The following FBXO25 variants were observed in gnomAD, a reference collection of about 807,000 sequenced individuals.
FBXO25 encodes F-box only protein 25.
Under a neutral mutation model 51.9 loss-of-function variants are expected in FBXO25, and 45 were observed. That is an observed-to-expected ratio of 0.87 (90% CI 0.68 to 1.11). The LOEUF is 1.11. Among genes scored for constraint, FBXO25 ranks in the 50% most tolerant of loss-of-function variants. The pLI is 0.00. For synonymous variants in FBXO25, 199 were observed against 151.0 expected (o/e 1.32, Z -2.33); for missense variants, 507 against 428.5 (o/e 1.18, Z -1.62).
intron 9 of FBXO25, among the ~76,000 whole-genome samples, chr8:468,502 C>T (rs1166322730): frequency 1.3e-5 from 2 of 152,112 alleles, no homozygotes; most frequent in Non-Finnish European, 2.9e-5. Flanking sequence ...CCGTCTCCTG[C>T]CCTACCTGAG....
intron 2 of FBXO25, among the ~76,000 whole-genome samples, chr8:425,561 T>C (rs1320998551): frequency 2.6e-5 from 4 of 151,812 alleles, no homozygotes; most frequent in African/African-American, 4.8e-5. Flanking sequence ...GGTTCACTTA[T>C]TCTTTTTCTG....
chr8:435,802 G>C lies in FBXO25; in HGVS notation c.381+95G>C, dbSNP rs145916524. 5.5e-5 allele frequency: 83 copies of C among 1,511,674 alleles called. No homozygotes were observed. In the African/African-American group the frequency reaches 1.0e-3, roughly 19 times the overall value. The allele number at this position is 1,511,674 out of a possible 1,614,324, so 93.6% of individuals were successfully genotyped here. On this transcript the variant is annotated intron_variant, in intron 5 of 9. Coordinates refer to ENST00000350302, the MANE Select transcript of FBXO25 (RefSeq NM_183420.2). ...TACAACGTTGAAGATGCTTTTGGCA[G>C]CTTGAAGGTGTGCCTGTTTGCTGCG...
intron 2 of FBXO25, among the ~76,000 whole-genome samples, chr8:424,186 T>G (rs1230360271): frequency 6.6e-6 from 1 of 151,682 alleles, no homozygotes; most frequent in East Asian, 1.9e-4. Context: ...TGGCGCAATT[T>G]CCGCTCACTC....
chr8:422,269 G>C (rs981249686), intron 2 of FBXO25, among the ~76,000 whole-genome samples: 36 of 152,242 alleles, frequency 2.4e-4, no homozygotes, highest in African/African-American at 8.2e-4. Flanking sequence ...GGTACCTGTG[G>C]TGTGGTGCTG....
intron 5 of FBXO25, among the ~76,000 whole-genome samples, chr8:436,648 G>C (rs1440342241): frequency 2.6e-5 from 4 of 152,044 alleles, no homozygotes; most frequent in African/African-American, 4.8e-5. Context: ...TGGCCAGCAG[G>C]GTGTCCTCGA....
chr8:421,979 G>A (rs930070108), intron 2 of FBXO25, among the ~76,000 whole-genome samples: 1 of 152,340 alleles, frequency 6.6e-6, no homozygotes, highest in African/African-American at 2.4e-5. Context: ...GAATGTATAA[G>A]TGAGGGATAA....
chr8:449,960 C>A, intron 5 of FBXO25, 30 bp from the exon 6 acceptor site: 1 of 1,434,930 alleles, frequency 7.0e-7, no homozygotes, highest in Admixed American at 1.8e-5. Flanking sequence ...ATATATATAT[C>A]GCTCAGCTTT....
In FBXO25 at chr8:435,682, T is replaced by C. The variant is rs754328792; in HGVS notation, c.356T>C (p.Ile119Thr). The C allele has an allele frequency of 5.0e-6, 8 of 1,597,714 alleles. No individual in the cohort carries two copies. Among genetic ancestry groups the C allele is most frequent in the Non-Finnish European group, 6.8e-6 (8 of 1,175,100 alleles). ...GACTTCTCAAGTGCAATTCAAGATA[T>C]CCGAAGGTTCAATTATGTGGTCAAA... ...RLDFSSAIQDIRRFNYVVKLL... is the reference protein window; with the variant it reads ...RLDFSSAIQDTRRFNYVVKLL... Residue 119 changes from isoleucine to threonine, a missense_variant, in exon 5 of 10, where the codon ATC (isoleucine) becomes ACC (threonine). By Grantham distance (89) the Ile-to-Thr change is moderately conservative (BLOSUM62 -1). Transcript: ENST00000350302.
chr8:422,428 G>T (rs2117518478), intron 2 of FBXO25, among the ~76,000 whole-genome samples: 1 of 152,314 alleles, frequency 6.6e-6, no homozygotes, highest in Middle Eastern at 3.4e-3. Flanking sequence ...CTGGCATGGG[G>T]GGCCATGGTA....
intron 2 of FBXO25, among the ~76,000 whole-genome samples, chr8:426,785 T>C (rs1327072586): frequency 2.0e-5 from 3 of 152,070 alleles, no homozygotes; most frequent in Non-Finnish European, 2.9e-5. Flanking sequence ...CGGAGTGAGA[T>C]GGGCCCACAT....
chr8:410,634 T>A (rs1796430707), intron 1 of FBXO25, among the ~76,000 whole-genome samples: 2 of 152,224 alleles, frequency 1.3e-5, no homozygotes, highest in East Asian at 3.8e-4. Context: ...ATCAGCTGTA[T>A]GCTATTAGAG....
At chr8:416,808 A>G (rs1190491601) in intron 2 of FBXO25, among the ~76,000 whole-genome samples, 1 of 152,262 alleles carries the variant, frequency 6.6e-6, no homozygotes, top group Admixed American at 6.5e-5. Context: ...TAAATGAAAC[A>G]TGAAAACCCA....
intron 7 of FBXO25, among the ~76,000 whole-genome samples, chr8:457,292 C>T (rs1585090187): frequency 6.6e-6 from 1 of 152,260 alleles, no homozygotes; most frequent in African/African-American, 2.4e-5. Flanking sequence ...TACAACTGAG[C>T]CCTGAAAAGT....
rs566225879 is a variant in FBXO25, at chr8:473,239, A to T, written c.*4435A>T. The T allele has an allele frequency of 6.6e-6, 1 of 152,412 alleles. No individual in the cohort carries two copies. The highest frequency in any genetic ancestry group is 1.9e-4 in the East Asian group (1 of 5,174). The allele number at this position is 152,412 out of a possible 1,614,324, so 9.4% of individuals were successfully genotyped here. A position where few individuals can be genotyped will look rare whatever the true frequency, so the allele number is the denominator to read the frequency against. ...ATGGGCTAAATGCCACTGAGCCGGT[A>T]GGAGCTGCTCAGGTGTAGCCTCTGC... On this transcript the variant is annotated 3_prime_UTR_variant, in exon 10 of 10. Transcript: ENST00000350302.
chr8:421,335 G>C (rs766032638), intron 2 of FBXO25, among the ~76,000 whole-genome samples: 1 of 152,200 alleles, frequency 6.6e-6, no homozygotes, highest in African/African-American at 2.4e-5. Context: ...GTGCCAAAAC[G>C]GTTAGGGAAT....
intron 5 of FBXO25, among the ~76,000 whole-genome samples, chr8:442,250 C>G (rs2116659515): frequency 1.3e-5 from 2 of 151,674 alleles, no homozygotes; most frequent in East Asian, 3.9e-4. Flanking sequence ...TACAAACCAA[C>G]TATTGTATAC....
rs1490169072 is a variant in FBXO25 at position 473,895 on chromosome 8, C to G, written c.*5091C>G. ...GGCAAGTTGGTTTTTATTATCTAAC[C>G]TATGTAGTCAATTCTAATGTCATTT... On this transcript the variant is annotated 3_prime_UTR_variant, in exon 10 of 10. Transcript: ENST00000350302. 1.3e-5 allele frequency: 2 copies of G among 152,130 alleles called. No individual in the cohort carries two copies. The highest frequency in any genetic ancestry group is 2.4e-5 in the African/African-American group (1 of 41,432). The allele number at this position is 152,130 out of a possible 1,614,324, so 9.4% of individuals were successfully genotyped here.
In FBXO25 at chr8:459,430, G is replaced by GTGCTT. The variant is rs1345266042; in HGVS notation, c.843+879_843+880insTGCTT. On this transcript the variant is annotated intron_variant, in intron 8 of 9. Transcript: ENST00000350302. ...ATAGTGAGGAAGCACGGCAGAGGCC[G>GTGCTT]AGCTACACTAAGAATCCTTGTCTGT... Among the ~76,000 whole-genome samples, 4 of 152,298 alleles carry GTGCTT rather than the reference G, an allele frequency of 2.6e-5. No homozygotes were observed. In the East Asian group the frequency reaches 7.8e-4, roughly 30 times the overall value.
intron 2 of FBXO25, 57 bp downstream of exon 2, chr8:413,270 C>T: frequency 1.4e-6 from 2 of 1,427,890 alleles, no homozygotes. Flanking sequence ...TATGGCCTTA[C>T]CTATTTTTCA....
Sources: allele counts gnomAD v4.1 joint callset (sites outside exome capture counted in the v4.1 genomes callset), GRCh38; gene constraint gnomAD v4.1.1; transcripts MANE v1.5; gene names NCBI Gene and HGNC (gene_info 2026-07-23, HGNC 2026-07-21).